Variants in PHLDB2 observed in about 807,000 individuals in gnomAD.
The protein encoded by PHLDB2 is pleckstrin homology like domain family B member 2.
In PHLDB2, 71 loss-of-function variants were observed where a neutral mutation model predicts 123.6. That is an observed-to-expected ratio of 0.57 (90% CI 0.47 to 0.70). The LOEUF (loss-of-function observed/expected upper bound fraction) is 0.70, where lower values mean the gene tolerates loss of function less well. PHLDB2 is among the 30% of genes least tolerant of loss of function. The pLI is 0.00. For synonymous variants in PHLDB2, 547 were observed against 541.6 expected, an observed-to-expected ratio of 1.01 and a Z score of -0.14; for missense variants, 1,446 against 1,519.5, an observed-to-expected ratio of 0.95 and a Z score of 0.80.
intron 1 of PHLDB2, among the ~76,000 whole-genome samples, chr3:111,817,986 C>A (rs76865686): frequency 4.0e-5 from 6 of 151,856 alleles, no homozygotes; most frequent in African/African-American, 1.5e-4. Flanking sequence ...AGCTATGGTG[C>A]CTTATTTTAT....
intron 1 of PHLDB2, among the ~76,000 whole-genome samples, chr3:111,818,866 T>A (rs9841149): frequency 0.11 from 17,179 of 152,060 alleles, 1,310 homozygotes; most frequent in Non-Finnish European, 0.15. Context: ...TTTCATTCCA[T>A]GAGTTTTGTT....
At chr3:111,759,663 G>A (rs1203408440) in intron 1 of PHLDB2, among the ~76,000 whole-genome samples, 1 of 152,150 alleles carries the variant, frequency 6.6e-6, no homozygotes, top group Non-Finnish European at 1.5e-5. Flanking sequence ...TAAAGGCCAG[G>A]TAATTGGACA....
At chr3:111,734,793 C>T (rs1161198109) in intron 1 of PHLDB2, among the ~76,000 whole-genome samples, 2 of 152,112 alleles carry the variant, frequency 1.3e-5, no homozygotes, top group Non-Finnish European at 2.9e-5. Context: ...TGGAGTTGAC[C>T]ATGTGGATAA....
chr3:111,815,466 G>A (rs573752720), intron 1 of PHLDB2, among the ~76,000 whole-genome samples: 117 of 152,308 alleles, frequency 7.7e-4, no homozygotes, highest in African/African-American at 2.8e-3. Flanking sequence ...GGTCTCAGAT[G>A]AAGATGAGGA....
chr3:111,783,979 A>G lies in PHLDB2; in HGVS notation c.-49+51276A>G, dbSNP rs140276771. 4.2e-3 allele frequency among the ~76,000 whole-genome samples: 642 copies of G among 152,236 alleles called. 1 individual carries two copies. The highest frequency in any genetic ancestry group is 0.015 in the African/African-American group (618 of 41,550). ...CAATTGAATAAGTATATTAAGGGCA[A>G]TTGTTTAGAGGATCCATGTCCTTTG... On this transcript the variant is annotated intron_variant, in intron 1 of 17. Transcript: ENST00000393923.
chr3:111,963,909 CTGA>C (rs955420909), intron 13 of PHLDB2, among the ~76,000 whole-genome samples: 12 of 152,134 alleles, frequency 7.9e-5, no homozygotes, highest in African/African-American at 2.9e-4. Context: ...ACCTGCTTCC[CTGA>C]TGTTTATCAC....
chr3:111,885,341 C>A lies in PHLDB2; in HGVS notation c.1264C>A (p.Arg422Ser), dbSNP rs1027768536. ...AAGCAGTATTAGCTCCATTTCAGGA[C>A]GTGATGACCTGATGGATTATCACCG... ...RKSSISSISG[R>S]DDLMDYHRRQ... The change falls in exon 2 of 18, where the codon CGT becomes AGT. Residue 422 changes from arginine to serine, a missense_variant. This residue lies in a region of PHLDB2 where 832 missense variants were observed against 831.9 expected (regional missense o/e 1.00). Transcript: ENST00000431670. 1 of 1,614,128 alleles carries A rather than the reference C, an allele frequency of 6.2e-7. No homozygotes were observed. Among genetic ancestry groups the A allele is most frequent in the Admixed American group, 1.7e-5 (1 of 60,018 alleles).
At chr3:111,849,863 A>G (rs1208771100) in intron 2 of PHLDB2, among the ~76,000 whole-genome samples, 1 of 151,822 alleles carries the variant, frequency 6.6e-6, no homozygotes, top group Non-Finnish European at 1.5e-5. Flanking sequence ...GCTGGAGGCC[A>G]TTATTCTTTT....
In PHLDB2 at chr3:111,967,975, C is replaced by CAA. The variant is rs58918022; in HGVS notation, c.3315+174_3315+175dup. On this transcript the variant is annotated intron_variant, in intron 15 of 17. Transcript: ENST00000431670. ...TAAGAGAAGAGTGTGCATTCCTGTGCAAAAAAAAAAAAAAAAAAAAAAAAT... is the reference window on the plus strand; with the variant it reads ...TAAGAGAAGAGTGTGCATTCCTGTGCAAAAAAAAAAAAAAAAAAAAAAAAAAT... The CAA allele has an allele frequency of 1.8e-3, 122 of 67,724 alleles. 1 individual carries two copies. The highest frequency in any genetic ancestry group is 3.6e-3 in the African/African-American group (75 of 20,802). The allele number at this position is 67,724 out of a possible 1,614,324, so 4.2% of individuals were successfully genotyped here. A position where few individuals can be genotyped will look rare whatever the true frequency, so the allele number is the denominator to read the frequency against.
At chr3:111,816,003 A>G (rs1189972038) in intron 1 of PHLDB2, among the ~76,000 whole-genome samples, 1 of 152,200 alleles carries the variant, frequency 6.6e-6, no homozygotes, top group East Asian at 1.9e-4. Flanking sequence ...CAGAGGGTGT[A>G]AGCCCCAAGC....
intron 1 of PHLDB2, among the ~76,000 whole-genome samples, chr3:111,878,099 G>A (rs1256845974): frequency 6.6e-6 from 1 of 152,200 alleles, no homozygotes; most frequent in Non-Finnish European, 1.5e-5. Context: ...AAAGTCAATG[G>A]TAGCTTGATG....
chr3:111,779,254 TTTTTCAA>T (rs2060323740), intron 1 of PHLDB2, among the ~76,000 whole-genome samples: 1 of 84,694 alleles, frequency 1.2e-5, no homozygotes, highest in African/African-American at 8.9e-5. Context: ...TATTTTTTTC[TTTTTCAA>T]CTTTTATTAT....
intron 1 of PHLDB2, among the ~76,000 whole-genome samples, chr3:111,824,884 G>A (rs1296079846): frequency 6.6e-6 from 1 of 152,204 alleles, no homozygotes. Flanking sequence ...ATAGGTGCAT[G>A]AATAATTCAC....
At chr3:111,942,776 TAATG>T (rs893863611) in intron 8 of PHLDB2, among the ~76,000 whole-genome samples, 3 of 151,178 alleles carry the variant, frequency 2.0e-5, no homozygotes, top group Non-Finnish European at 2.9e-5. Context: ...AGTTCAAGGT[TAATG>T]AATCAGCAAT....
intron 2 of PHLDB2, among the ~76,000 whole-genome samples, chr3:111,898,182 TTGTGTG>T (rs58183787): frequency 7.0e-6 from 1 of 142,552 alleles, no homozygotes. Context: ...GTGTGTGTGT[TTGTGTG>T]TGTGTGTGTG....
chr3:111,887,129 C>G (rs964927339), intron 2 of PHLDB2, among the ~76,000 whole-genome samples: 10 of 152,144 alleles, frequency 6.6e-5, no homozygotes, highest in African/African-American at 1.9e-4. Context: ...TTCAGCATCT[C>G]TAAGTGTTGG....
chr3:111,801,192 T>C (rs1019927627), intron 1 of PHLDB2, among the ~76,000 whole-genome samples: 1 of 152,144 alleles, frequency 6.6e-6, no homozygotes, highest in African/African-American at 2.4e-5. Flanking sequence ...CAAGGCCCCT[T>C]GTTCAAAAGT....
chr3:111,959,025 G>A (rs2071223019), intron 12 of PHLDB2, among the ~76,000 whole-genome samples: 2 of 152,260 alleles, frequency 1.3e-5, no homozygotes. Context: ...AAGCTTCAAT[G>A]AGAGTGGAGG....
In PHLDB2 at chr3:111,781,831, T is replaced by C. The variant is rs114089927; in HGVS notation, c.-49+49128T>C. 8.1e-3 allele frequency among the ~76,000 whole-genome samples: 1,228 copies of C among 152,204 alleles called. 9 individuals are homozygous for C. Among genetic ancestry groups the C allele is most frequent in the African/African-American group, 0.027 (1,116 of 41,554 alleles). On this transcript the variant is annotated intron_variant, in intron 1 of 17. Coordinates refer to the PHLDB2 transcript ENST00000393923. ...TAATCTAGAAAAGAATCCGGAGAACTTTGCAAGATTTTCTCAAGTGGTTCC... is the reference window on the plus strand; with the variant it reads ...TAATCTAGAAAAGAATCCGGAGAACCTTGCAAGATTTTCTCAAGTGGTTCC...
Sources: allele counts gnomAD v4.1 joint callset (sites outside exome capture counted in the v4.1 genomes callset), GRCh38; gene constraint gnomAD v4.1.1; regional missense constraint gnomAD v4.1.1; transcripts MANE v1.5; gene names NCBI Gene and HGNC (gene_info 2026-07-23, HGNC 2026-07-21).